VBP1: variants seen among roughly 807,000 people sequenced by gnomAD.
VBP1 encodes VHL binding protein 1, also known as prefoldin subunit 3.
In VBP1, 4 loss-of-function variants were observed where a neutral mutation model predicts 15.5. That is an observed-to-expected ratio of 0.26 (90% confidence interval 0.13 to 0.59). VBP1 has a LOEUF of 0.59. VBP1 is among the 20% of genes least tolerant of loss of function. The pLI is 0.90. For synonymous variants in VBP1, 61 were observed against 52.1 expected (o/e 1.17, Z -0.74); for missense variants, 108 against 139.6 (o/e 0.77, Z 1.14).
At chrX:155,202,224 T>C in intron 1 of VBP1, among the ~76,000 whole-genome samples, 1 of 111,951 alleles carries the variant, frequency 8.9e-6, no homozygotes, top group Non-Finnish European at 1.9e-5. Flanking sequence ...CCCATCAAGC[T>C]ACCAATGACT....
At chrX:155,224,060 C>T (rs1475475080) in intron 2 of VBP1, among the ~76,000 whole-genome samples, 7 of 108,123 alleles carry the variant, frequency 6.5e-5, no homozygotes, top group Non-Finnish European at 9.6e-5. Flanking sequence ...CGGGCAGAGA[C>T]GCTCCTCACT....
chrX:155,222,263 C>T (rs1325163744), intron 2 of VBP1, among the ~76,000 whole-genome samples: 15 of 112,161 alleles, frequency 1.3e-4, no homozygotes, highest in African/African-American at 4.2e-4. Flanking sequence ...GTGGGCGGAT[C>T]GCTTGAGCCC....
chrX:155,200,862 G>A (rs2074600443), intron 1 of VBP1, among the ~76,000 whole-genome samples: 1 of 110,531 alleles, frequency 9.0e-6, no homozygotes, highest in East Asian at 2.8e-4. Context: ...TAGACCGCTA[G>A]CAAGACTAAT....
chrX:155,217,294 T>A (rs917544599), intron 1 of VBP1, among the ~76,000 whole-genome samples: 3 of 112,225 alleles, frequency 2.7e-5, no homozygotes, highest in Admixed American at 9.3e-5. Flanking sequence ...ATCGGGTTGC[T>A]CCACAGGCCG....
At chrX:155,202,313 C>G (rs1482104461) in intron 1 of VBP1, among the ~76,000 whole-genome samples, 12 of 111,456 alleles carry the variant, frequency 1.1e-4, no homozygotes, top group Non-Finnish European at 2.3e-4. Context: ...AATCCTAAGC[C>G]AAAAGAACAA....
chrX:155,236,412 T>A (rs2074773391), intron 5 of VBP1, 45 bp downstream of exon 5: 2 of 1,167,424 alleles, frequency 1.7e-6, no homozygotes, highest in Non-Finnish European at 1.1e-6. Flanking sequence ...AGGAGAAAGA[T>A]TTTTTTAAAA....
intron 2 of VBP1, among the ~76,000 whole-genome samples, chrX:155,226,728 G>A (rs2074721552): frequency 8.9e-6 from 1 of 111,917 alleles, no homozygotes; most frequent in Admixed American, 9.4e-5. Flanking sequence ...GTGCATCACT[G>A]GATAGGGGAT....
intron 1 of VBP1, among the ~76,000 whole-genome samples, chrX:155,200,366 T>A (rs1436231644): frequency 9.5e-6 from 1 of 105,071 alleles, no homozygotes; most frequent in Non-Finnish European, 2.0e-5. Flanking sequence ...GAAGTAAAGC[T>A]CTCCTCAGCA....
chrX:155,197,222 T>C (rs2074581689), intron 1 of VBP1: 2 of 111,956 alleles, frequency 1.8e-5, no homozygotes, highest in African/African-American at 3.2e-5. Context: ...GTCACAACTC[T>C]TTCTTTCTTA....
intron 2 of VBP1, among the ~76,000 whole-genome samples, chrX:155,225,860 A>G (rs1201533789): frequency 8.9e-6 from 1 of 111,862 alleles, no homozygotes; most frequent in Non-Finnish European, 1.9e-5. Flanking sequence ...AGGTGTTTCT[A>G]GATTATTCAC....
At chrX:155,201,887 A>C (rs1485697876) in intron 1 of VBP1, among the ~76,000 whole-genome samples, 1 of 111,909 alleles carries the variant, frequency 8.9e-6, no homozygotes, top group Non-Finnish European at 1.9e-5. Context: ...AAATCTCCTT[A>C]AGCTAATAAG....
chrX:155,208,868 T>C, intron 1 of VBP1: 1 of 1,104,106 alleles, frequency 9.1e-7, no homozygotes, highest in Non-Finnish European at 1.2e-6. Context: ...CTTTTACAAT[T>C]CATAGGTTCC....
At chrX:155,203,788 G>C (rs372228587) in intron 1 of VBP1, among the ~76,000 whole-genome samples, 2 of 111,312 alleles carry the variant, frequency 1.8e-5, no homozygotes, top group African/African-American at 6.5e-5. Context: ...AGAATGCTTG[G>C]AATCAATTAC....
chrX:155,210,680 C>T (rs1377631623), intron 2 of VBP1, among the ~76,000 whole-genome samples: 2 of 111,877 alleles, frequency 1.8e-5, no homozygotes, highest in Non-Finnish European at 3.8e-5. Context: ...AGTGACAATT[C>T]GCTTCCTTCC....
chrX:155,223,118 T>G (rs1168877222), intron 2 of VBP1, among the ~76,000 whole-genome samples: 1 of 107,468 alleles, frequency 9.3e-6, no homozygotes, highest in Admixed American at 1.0e-4. Context: ...GCCTTTTTGT[T>G]TTTTTTTTTT....
chrX:155,214,540 T>A (rs2074655203), upstream of VBP1, among the ~76,000 whole-genome samples: 1 of 112,048 alleles, frequency 8.9e-6, no homozygotes. Context: ...TGTTTCCTGT[T>A]GTATGCGTAT....
chrX:155,201,604 G>A lies in VBP1; in HGVS notation c.-31+4465G>A, dbSNP rs782697520. ...TCAATAAATTAGGTATTGATGGGAC[G>A]TATCTCAAAATAATAAGAGCTATCT... On this transcript the variant is annotated intron_variant, in intron 1 of 6. Transcript: ENST00000535916. Among the ~76,000 whole-genome samples the A allele has an allele frequency of 6.1e-5, 5 of 82,332 alleles. 1 individual carries two copies. Among genetic ancestry groups the A allele is most frequent in the South Asian group, 1.1e-3 (2 of 1,858 alleles). The allele number at this position is 82,332 out of a possible 115,157, so 71.5% of individuals were successfully genotyped here.
intron 2 of VBP1, among the ~76,000 whole-genome samples, chrX:155,226,796 T>C (rs1223658909): frequency 8.9e-6 from 1 of 111,927 alleles, no homozygotes; most frequent in East Asian, 2.8e-4. Context: ...AAAATTAGTT[T>C]TAAAATTAAT....
chrX:155,201,231 A>C lies in VBP1; in HGVS notation c.-31+4092A>C, dbSNP rs1369357049. Among the ~76,000 whole-genome samples the C allele has an allele frequency of 3.6e-5, 4 of 110,678 alleles. No individual in the cohort carries two copies. In the East Asian group the frequency reaches 1.1e-3, roughly 31 times the overall value. The stretch of plus-strand genomic sequence containing the variant: ...TCTGAAACTATTCCAATCAATAGAA[A>C]AAGAAGGAATCCTCCCTAACTCATT... On this transcript the variant is annotated intron_variant, in intron 1 of 6. Coordinates refer to the VBP1 transcript ENST00000535916.
Sources: allele counts gnomAD v4.1 joint callset (sites outside exome capture counted in the v4.1 genomes callset), GRCh38; gene constraint gnomAD v4.1.1; transcripts MANE v1.5; gene names NCBI Gene and HGNC (gene_info 2026-07-23, HGNC 2026-07-21).